The following C10orf67 variants were observed in gnomAD, a reference collection of about 807,000 sequenced individuals.
The protein encoded by C10orf67 is uncharacterized protein C10orf67, mitochondrial.
C10orf67 carries 60 observed loss-of-function variants against 35.6 expected under a neutral mutation model. The observed-to-expected ratio is 1.68, with a 90% CI of 1.37 to 2.09. The LOEUF is 2.09. Ranked by LOEUF, C10orf67 falls within the 30% of genes most tolerant of loss-of-function variation. C10orf67 has a pLI of 0.00. For missense variants in C10orf67, 474 were observed against 330.2 expected (o/e 1.44, Z -3.38); for synonymous variants, 167 against 115.8 (o/e 1.44, Z -2.84).
intron 4 of C10orf67, among the ~76,000 whole-genome samples, chr10:23,307,180 G>A (rs1844318121): frequency 2.6e-5 from 4 of 152,262 alleles, no homozygotes; most frequent in Middle Eastern, 3.4e-3. Flanking sequence ...AGTGGATAAT[G>A]TTACTTACTT....
intron 8 of C10orf67, among the ~76,000 whole-genome samples, chr10:23,268,896 A>C (rs1017354966): frequency 1.3e-5 from 2 of 152,234 alleles, no homozygotes; most frequent in African/African-American, 4.8e-5. Context: ...GTGTATCTAA[A>C]CATATTCAAA....
chr10:23,341,345 A>C (rs1431893939), intron 1 of C10orf67, among the ~76,000 whole-genome samples: 1 of 152,172 alleles, frequency 6.6e-6, no homozygotes, highest in African/African-American at 2.4e-5. Flanking sequence ...AGACCTGTTC[A>C]TCTCATTATC....
intron 1 of C10orf67, 72 bp downstream of exon 1, chr10:23,344,496 AC>A: frequency 7.2e-7 from 1 of 1,386,676 alleles, no homozygotes; most frequent in African/African-American, 1.4e-5. Context: ...CCCGTAAATA[AC>A]CCTTCAGCCT....
At position 23,283,727 on chromosome 10, in the gene C10orf67, T is replaced by C. The variant is rs539535617; in HGVS notation, c.910-1649A>G. Among the ~76,000 whole-genome samples the C allele has an allele frequency of 1.1e-4, 16 of 152,258 alleles. No individual in the cohort carries two copies. In the South Asian group the frequency reaches 2.7e-3, roughly 26 times the overall value. On this transcript the variant is annotated intron_variant, in intron 7 of 15. Transcript: ENST00000636213. Reference sequence around the variant, plus strand: ...ACCCCTCCCAACTCTCCTGCATCTCTTTCCTGGCTAACTCTAACTGCTCTT... The same window carrying C: ...ACCCCTCCCAACTCTCCTGCATCTCCTTCCTGGCTAACTCTAACTGCTCTT...
chr10:23,274,248 A>G (rs889255083), intron 8 of C10orf67, among the ~76,000 whole-genome samples: 4 of 152,166 alleles, frequency 2.6e-5, no homozygotes, highest in East Asian at 1.9e-4. Flanking sequence ...CTGGGCACAC[A>G]CTGTCTTGAT....
intron 5 of C10orf67, among the ~76,000 whole-genome samples, chr10:23,300,424 A>G (rs1040584312): frequency 2.0e-5 from 3 of 152,034 alleles, no homozygotes; most frequent in African/African-American, 4.8e-5. Flanking sequence ...CCTGATCTCT[A>G]TTATAAAAAA....
rs538745881 is a variant in C10orf67 at position 23,295,139 on chromosome 10, C to A, written c.703-3860G>T. On this transcript the variant is annotated intron_variant, in intron 5 of 15. Coordinates refer to ENST00000636213, the MANE Select transcript of C10orf67 (RefSeq NM_001371909.1). ...CACCCCGTTAATCAGAATCACCTCACCTTCCTCAAATATTAAGAGTGTTTA... is the reference window on the plus strand; with the variant it reads ...CACCCCGTTAATCAGAATCACCTCAACTTCCTCAAATATTAAGAGTGTTTA... Among the ~76,000 whole-genome samples the A allele has an allele frequency of 7.9e-5, 12 of 152,316 alleles. No homozygotes were observed. The South Asian group carries it at 2.5e-3, about 32-fold the overall frequency.
At chr10:23,333,002 A>T in intron 2 of C10orf67, 60 bp downstream of exon 2, 24 of 1,522,534 alleles carry the variant, frequency 1.6e-5, no homozygotes, top group Non-Finnish European at 2.1e-5. Context: ...TATGAAAGAA[A>T]CATGAAGGCA....
At chr10:23,265,417 G>A (rs769621655) in intron 10 of C10orf67, among the ~76,000 whole-genome samples, 2 of 152,226 alleles carry the variant, frequency 1.3e-5, no homozygotes, top group Non-Finnish European at 2.9e-5. Flanking sequence ...GTGGGAACAC[G>A]TAGGAACAGG....
At chr10:23,335,882 C>A (rs912048931) in intron 1 of C10orf67, among the ~76,000 whole-genome samples, 1 of 152,198 alleles carries the variant, frequency 6.6e-6, no homozygotes, top group Non-Finnish European at 1.5e-5. Flanking sequence ...ACAGTACCCT[C>A]AGCCTAGGAT....
At chr10:23,264,020 T>C (rs771595410) in intron 10 of C10orf67, among the ~76,000 whole-genome samples, 1 of 152,194 alleles carries the variant, frequency 6.6e-6, no homozygotes, top group African/African-American at 2.4e-5. Context: ...AAAATAAGTA[T>C]GATTAATTAG....
rs532380091 is a variant in C10orf67, at chr10:23,224,706, A to G, written c.1435-888T>C. Among the ~76,000 whole-genome samples the G allele has an allele frequency of 4.6e-5, 7 of 152,358 alleles. 1 individual carries two copies. Among genetic ancestry groups the G allele is most frequent in the African/African-American group, 1.7e-4 (7 of 41,596 alleles). On this transcript the variant is annotated intron_variant, in intron 13 of 15. Transcript: ENST00000636213. ...AAAGGACGTGATGGAGCTGAAAACC[A>G]TGGCACAAGAACTACGTGACGAATG...
chr10:23,282,471 G>T (rs1353471524), intron 7 of C10orf67, among the ~76,000 whole-genome samples: 1 of 152,120 alleles, frequency 6.6e-6, no homozygotes, highest in Non-Finnish European at 1.5e-5. Context: ...GCTATCAGAA[G>T]CATACACTGG....
chr10:23,204,392 T>C (rs2131694122), intron 15 of C10orf67, 137 bp from the exon 16 acceptor site: 2 of 403,906 alleles, frequency 5.0e-6, no homozygotes, highest in East Asian at 7.4e-5. Context: ...GCTGAGAGCC[T>C]CTTCAGGAAC....
Position 23,246,058 on chromosome 10 carries a change from A to T in C10orf67, c.1346+4397T>A, listed in dbSNP as rs532737459. ...AATCATGTCCTTTGCAGCAATATGG[A>T]TGGAGCTGGAAGCCATTATCGTAAA... On this transcript the variant is annotated intron_variant, in intron 12 of 15. Transcript: ENST00000636213. Among the ~76,000 whole-genome samples the T allele has an allele frequency of 3.8e-4, 58 of 152,354 alleles. No individual in the cohort carries two copies. The South Asian group carries it at 4.6e-3, about 12-fold the overall frequency.
chr10:23,275,283 G>A (rs1009410358), intron 8 of C10orf67, among the ~76,000 whole-genome samples: 6 of 152,122 alleles, frequency 3.9e-5, no homozygotes, highest in African/African-American at 1.2e-4. Flanking sequence ...ACAGGAGTTC[G>A]AGATCAGCTT....
chr10:23,303,928 G>T (rs1326223991), intron 4 of C10orf67, among the ~76,000 whole-genome samples: 1 of 152,190 alleles, frequency 6.6e-6, no homozygotes, highest in African/African-American at 2.4e-5. Flanking sequence ...CACCTAGGTG[G>T]CAGGCTCACT....
At chr10:23,305,813 A>T (rs1297601808) in intron 4 of C10orf67, among the ~76,000 whole-genome samples, 1 of 152,202 alleles carries the variant, frequency 6.6e-6, no homozygotes, top group Non-Finnish European at 1.5e-5. Context: ...TGATCCAGCT[A>T]TCCTACTTCT....
At chr10:23,221,302 A>G (rs1412534334) in intron 15 of C10orf67, among the ~76,000 whole-genome samples, 1 of 152,180 alleles carries the variant, frequency 6.6e-6, no homozygotes, top group African/African-American at 2.4e-5. Context: ...TACTAGCATG[A>G]GAAGAGTAAG....
Sources: allele counts gnomAD v4.1 joint callset (sites outside exome capture counted in the v4.1 genomes callset), GRCh38; gene constraint gnomAD v4.1.1; transcripts MANE v1.5; gene names NCBI Gene and HGNC (gene_info 2026-07-23, HGNC 2026-07-21).